The following FGF14 variants were observed in gnomAD, a reference collection of about 807,000 sequenced individuals.
The protein encoded by FGF14 is fibroblast growth factor 14.
Under a neutral mutation model 25.5 loss-of-function variants are expected in FGF14, and 5 were observed. The observed-to-expected ratio is 0.20, with a 90% CI of 0.10 to 0.41. The LOEUF (loss-of-function observed/expected upper bound fraction) is 0.41, where lower values mean the gene tolerates loss of function less well. Among genes scored for constraint, FGF14 ranks in the 10% least tolerant of loss-of-function variants. The pLI is 1.00. For synonymous variants in FGF14, 138 were observed against 118.3 expected (o/e 1.17, Z -1.08); for missense variants, 222 against 320.1 (o/e 0.69, Z 2.34).
chr13:102,025,510 G>A lies in FGF14; in HGVS notation c.209-150214C>T, dbSNP rs1033479146. ...TGCAACTTCTACCTCCAGGGTTCAA[G>A]TGATTCTCATGCTTCAGCCTTCTGA... On this transcript the variant is annotated intron_variant, in intron 1 of 4. Transcript: ENST00000376131. Among the ~76,000 whole-genome samples, 3 of 151,996 alleles carry A rather than the reference G, an allele frequency of 2.0e-5. No homozygotes were observed. The South Asian group carries it at 6.2e-4, about 32-fold the overall frequency.
At chr13:101,891,193 C>T (rs1323865908) in intron 1 of FGF14, among the ~76,000 whole-genome samples, 4 of 152,156 alleles carry the variant, frequency 2.6e-5, no homozygotes, top group Non-Finnish European at 5.9e-5. Context: ...AGACCCACTA[C>T]CCTTTGCTTT....
chr13:102,330,298 T>C (rs2138829825), intron 1 of FGF14, among the ~76,000 whole-genome samples: 1 of 152,302 alleles, frequency 6.6e-6, no homozygotes, highest in East Asian at 1.9e-4. Context: ...TCCTATCCGC[T>C]GCCTTCCTTC....
At position 101,785,060 on chromosome 13, in the gene FGF14, A is replaced by AT. The variant is rs150791485; in HGVS notation, c.409-58251dup. ...TGCTAAAATGTGTTCAGGGTCTCAC[A>AT]TTGTCTCCTAGGTACTCTATTTGAG... On this transcript the variant is annotated intron_variant, in intron 3 of 4. Coordinates refer to ENST00000376143, the MANE Select transcript of FGF14 (RefSeq NM_004115.4). 3.7e-3 allele frequency among the ~76,000 whole-genome samples: 564 copies of AT among 152,284 alleles called. 3 individuals are homozygous for AT. The highest frequency in any genetic ancestry group is 0.012 in the African/African-American group (515 of 41,568).
intron 1 of FGF14, among the ~76,000 whole-genome samples, chr13:102,246,079 GA>G (rs2051852334): frequency 6.6e-6 from 1 of 151,950 alleles, no homozygotes. Flanking sequence ...TTTTGTCTTA[GA>G]AAAGAAGTGA....
intron 1 of FGF14, among the ~76,000 whole-genome samples, chr13:102,022,721 C>A (rs973547748): frequency 2.0e-5 from 3 of 151,986 alleles, no homozygotes; most frequent in Non-Finnish European, 4.4e-5. Context: ...TAAAATAATA[C>A]TCAAATGAAA....
chr13:101,983,655 T>G (rs1194216139), intron 1 of FGF14, among the ~76,000 whole-genome samples: 1 of 152,220 alleles, frequency 6.6e-6, no homozygotes, highest in African/African-American at 2.4e-5. Flanking sequence ...GTTGGAATAC[T>G]TTATGAAATG....
intron 3 of FGF14, among the ~76,000 whole-genome samples, chr13:101,820,995 T>TGC: frequency 6.7e-6 from 1 of 149,490 alleles, no homozygotes; most frequent in Non-Finnish European, 1.5e-5. Context: ...TCGCCCAGGC[T>TGC]GGAGTGCAGT....
intron 1 of FGF14, among the ~76,000 whole-genome samples, chr13:102,368,991 C>A (rs970664593): frequency 1.2e-4 from 18 of 152,174 alleles, no homozygotes; most frequent in Admixed American, 1.1e-3. Flanking sequence ...ACAGGACTTG[C>A]TCCAGAGAGA....
At chr13:102,026,816 T>G (rs568887670) in intron 1 of FGF14, among the ~76,000 whole-genome samples, 102 of 151,884 alleles carry the variant, frequency 6.7e-4, no homozygotes, top group Middle Eastern at 3.4e-3. Flanking sequence ...AAGAAATTGT[T>G]TTAAAGGTCA....
intron 1 of FGF14, among the ~76,000 whole-genome samples, chr13:102,118,694 C>A (rs1673435): frequency 0.53 from 80,610 of 151,854 alleles, 22,759 homozygotes; most frequent in East Asian, 0.75. Flanking sequence ...AGTATTCTAT[C>A]ATATATGTAT....
intron 3 of FGF14, among the ~76,000 whole-genome samples, chr13:101,801,478 C>T (rs2040866681): frequency 6.6e-6 from 1 of 151,994 alleles, no homozygotes; most frequent in South Asian, 2.1e-4. Flanking sequence ...AAAAAGTGTG[C>T]AGCTGTGCTC....
intron 3 of FGF14, among the ~76,000 whole-genome samples, chr13:101,850,428 T>G (rs2043708717): frequency 7.7e-6 from 1 of 129,832 alleles, no homozygotes; most frequent in Non-Finnish European, 1.6e-5. Context: ...CACTCCAGCC[T>G]GGGAAACAGG....
At position 101,915,813 on chromosome 13, in the gene FGF14, G is replaced by A. The variant is rs938982997; in HGVS notation, c.193+640C>T. 2.6e-5 allele frequency among the ~76,000 whole-genome samples: 4 copies of A among 152,176 alleles called. No homozygotes were observed. The East Asian group carries it at 7.7e-4, about 29-fold the overall frequency. Reference sequence around the variant, plus strand: ...TTCGGATTCTTTCTTTAGACTCCCTGAGCCTCTGTCCCCATCCCAGGATTT... The same window carrying A: ...TTCGGATTCTTTCTTTAGACTCCCTAAGCCTCTGTCCCCATCCCAGGATTT... On this transcript the variant is annotated intron_variant, in intron 1 of 4. Transcript: ENST00000376143.
chr13:101,912,722 G>T (rs1311483360), intron 1 of FGF14, among the ~76,000 whole-genome samples: 1 of 151,972 alleles, frequency 6.6e-6, no homozygotes, highest in Non-Finnish European at 1.5e-5. Context: ...CTTAAAAAAA[G>T]ATATAATTAT....
At chr13:102,284,109 A>G (rs970515075) in intron 1 of FGF14, among the ~76,000 whole-genome samples, 2 of 152,346 alleles carry the variant, frequency 1.3e-5, no homozygotes, top group African/African-American at 4.8e-5. Context: ...GCAACACTGT[A>G]GTAAATTGGT....
intron 1 of FGF14, among the ~76,000 whole-genome samples, chr13:102,302,575 C>T (rs933107320): frequency 2.0e-5 from 3 of 152,144 alleles, no homozygotes; most frequent in African/African-American, 7.2e-5. Context: ...CTGCTCACCA[C>T]CTCCACTTAG....
chr13:102,200,968 G>T (rs545866800), intron 1 of FGF14, among the ~76,000 whole-genome samples: 1 of 151,898 alleles, frequency 6.6e-6, no homozygotes, highest in African/African-American at 2.4e-5. Flanking sequence ...CAGGCGTGGT[G>T]GGGGGCGCCT....
intron 1 of FGF14, among the ~76,000 whole-genome samples, chr13:102,016,076 T>C (rs771795055): frequency 1.3e-5 from 2 of 152,132 alleles, no homozygotes; most frequent in Admixed American, 6.5e-5. Context: ...TGAATTTTCA[T>C]GAATAACAAC....
At chr13:101,724,736 T>C (rs978298098) in intron 4 of FGF14, among the ~76,000 whole-genome samples, 3 of 150,612 alleles carry the variant, frequency 2.0e-5, no homozygotes, top group Non-Finnish European at 3.0e-5. Flanking sequence ...TTTTGAAAGT[T>C]TGAAATTAAT....
Sources: allele counts gnomAD v4.1 joint callset (sites outside exome capture counted in the v4.1 genomes callset), GRCh38; gene constraint gnomAD v4.1.1; transcripts MANE v1.5; gene names NCBI Gene and HGNC (gene_info 2026-07-23, HGNC 2026-07-21).